The following NIN variants were observed in gnomAD, a reference collection of about 807,000 sequenced individuals.
The protein encoded by NIN is glycogen synthase kinase 3 beta-interacting protein.
Under a neutral mutation model 257.6 loss-of-function variants are expected in NIN, and 137 were observed. The ratio of observed to expected loss-of-function variants is 0.53; its 90% CI spans 0.46 to 0.61. The LOEUF is 0.61. Ranked by LOEUF, NIN falls within the 20% of genes least tolerant of loss-of-function variation. The probability of loss-of-function intolerance (pLI) is 0.00; values close to 1 mark genes in which losing one functional copy is unlikely to be tolerated. For missense variants in NIN, 2,439 were observed against 2,501.2 expected (o/e 0.98, Z 0.53); for synonymous variants, 918 against 919.8 (o/e 1.00, Z 0.04).
chr14:50,819,941 C>T (rs568620122), intron 3 of NIN, among the ~76,000 whole-genome samples: 74 of 152,246 alleles, frequency 4.9e-4, no homozygotes, highest in Non-Finnish European at 8.2e-4. Flanking sequence ...TCCAGTGAAT[C>T]CTATGGCATT....
chr14:50,767,686 G>A lies in NIN; in HGVS notation c.1435-796C>T, dbSNP rs189096843. Among the ~76,000 whole-genome samples the A allele has an allele frequency of 5.1e-3, 772 of 151,898 alleles. 4 individuals carry two copies. The highest frequency in any genetic ancestry group is 0.017 in the African/African-American group (703 of 41,436). ...CAAAAAATTAGCCAGGTGTGGTGGCGGGCGCCTGTAGTCCCAGCTACTTGG... is the reference window on the plus strand; with the variant it reads ...CAAAAAATTAGCCAGGTGTGGTGGCAGGCGCCTGTAGTCCCAGCTACTTGG... On this transcript the variant is annotated intron_variant, in intron 12 of 30. Coordinates refer to ENST00000530997, the MANE Select transcript of NIN (RefSeq NM_020921.4).
At chr14:50,801,334 AC>A (rs771961761) in intron 4 of NIN, among the ~76,000 whole-genome samples, 60 of 152,258 alleles carry the variant, frequency 3.9e-4, no homozygotes, top group South Asian at 4.1e-4. Flanking sequence ...CAGGTGATCC[AC>A]CTGTCTCACC....
At chr14:50,725,724 T>G in intron 30 of NIN, 3 of 664,782 alleles carry the variant, frequency 4.5e-6, no homozygotes, top group Non-Finnish European at 7.6e-6. Context: ...TTTACACTTT[T>G]AAATTGTGGA....
chr14:50,742,674 G>T (rs757823953), intron 24 of NIN, among the ~76,000 whole-genome samples: 1 of 152,080 alleles, frequency 6.6e-6, no homozygotes, highest in Non-Finnish European at 1.5e-5. Context: ...GATTACAGGC[G>T]TGAGTCACCG....
intron 12 of NIN, among the ~76,000 whole-genome samples, chr14:50,769,073 G>A (rs562467583): frequency 2.1e-4 from 32 of 152,324 alleles, no homozygotes; most frequent in African/African-American, 7.7e-4. Flanking sequence ...AATTACCTCA[G>A]TTTTTGATGT....
Position 50,722,654 on chromosome 14 carries a change from A to C in NIN, c.*809T>G, listed in dbSNP as rs1276016296. ...GGTCTGCTTATCCCTCTTTTCTAAG[A>C]GTAGCTATTTACTCCAAAGTGGTTT... On this transcript the variant is annotated 3_prime_UTR_variant, in exon 31 of 31. Coordinates refer to ENST00000530997, the MANE Select transcript of NIN (RefSeq NM_020921.4). 9.2e-6 allele frequency: 2 copies of C among 216,564 alleles called. No homozygotes were observed. Among genetic ancestry groups the C allele is most frequent in the South Asian group, 1.9e-4 (1 of 5,376 alleles). The allele number at this position is 216,564 out of a possible 1,614,324, so 13.4% of individuals were successfully genotyped here.
chr14:50,817,456 A>T lies in NIN; in HGVS notation c.183+4418T>A, dbSNP rs1289165227. ...GAAAGAACCTCAAACCCTTTCAGAA[A>T]TGTAAGAAAATTGATCTAAATTATA... On this transcript the variant is annotated intron_variant, in intron 3 of 30. Transcript: ENST00000530997. Among the ~76,000 whole-genome samples, 22 of 152,210 alleles carry T rather than the reference A, an allele frequency of 1.4e-4. 1 individual carries two copies. The highest frequency in any genetic ancestry group is 1.5e-5 in the Non-Finnish European group (1 of 68,028).
Position 50,767,894 on chromosome 14 carries a change from T to C in NIN, c.1435-1004A>G, listed in dbSNP as rs544266336. Among the ~76,000 whole-genome samples the C allele has an allele frequency of 3.3e-5, 5 of 152,126 alleles. No individual in the cohort carries two copies. The South Asian group carries it at 1.0e-3, about 32-fold the overall frequency. ...ATTTGGTTTATATTTAATTTATAAATTTCTTTTGGTTTAAAGATATAAAAA... is the reference window on the plus strand; with the variant it reads ...ATTTGGTTTATATTTAATTTATAAACTTCTTTTGGTTTAAAGATATAAAAA... On this transcript the variant is annotated intron_variant, in intron 12 of 30. Coordinates refer to ENST00000530997, the MANE Select transcript of NIN (RefSeq NM_020921.4).
chr14:50,738,396 C>T (rs2041109081), intron 26 of NIN, 110 bp from the exon 27 acceptor site: 1 of 870,706 alleles, frequency 1.1e-6, no homozygotes, highest in Admixed American at 2.7e-5. Context: ...GTTTAACATC[C>T]TTTTTCAATC....
chr14:50,811,863 G>C (rs568898222), intron 3 of NIN, among the ~76,000 whole-genome samples: 1 of 151,900 alleles, frequency 6.6e-6, no homozygotes, highest in Admixed American at 6.6e-5. Flanking sequence ...GCGTGGTGGC[G>C]GGCGCCTGTA....
At chr14:50,726,856 C>G (rs2040431840) in intron 29 of NIN, among the ~76,000 whole-genome samples, 1 of 152,174 alleles carries the variant, frequency 6.6e-6, no homozygotes. Context: ...AAGGTATTAA[C>G]AGCTGATGGT....
In NIN at chr14:50,752,628, G is replaced by T. The variant is rs767097652; in HGVS notation, c.4840C>A (p.Leu1614Ile). 5 of 1,613,726 alleles carry T rather than the reference G, an allele frequency of 3.1e-6. No homozygotes were observed. Among genetic ancestry groups the T allele is most frequent in the Non-Finnish European group, 4.2e-6 (5 of 1,179,860 alleles). Residue 1614 changes from leucine to isoleucine, a missense_variant, in exon 21 of 31, where the codon CTA (leucine) becomes ATA (isoleucine). Transcript: ENST00000530997. Reference sequence around the variant, plus strand: ...TCCTTCTGGCATAGCATTTCTGTTAGACGTTGATTAAGTTCTTGCAGTTTT... The same window carrying T: ...TCCTTCTGGCATAGCATTTCTGTTATACGTTGATTAAGTTCTTGCAGTTTT... ...QEKLQELNQR[L>I]TEMLCQKEKE...
At chr14:50,808,518 TG>T (rs1360019854) in intron 3 of NIN, among the ~76,000 whole-genome samples, 2 of 152,226 alleles carry the variant, frequency 1.3e-5, no homozygotes, top group African/African-American at 4.8e-5. Context: ...TGATGTGAAT[TG>T]GAGACATTAC....
chr14:50,768,522 T>G (rs918310050), intron 12 of NIN, among the ~76,000 whole-genome samples: 1 of 152,062 alleles, frequency 6.6e-6, no homozygotes, highest in Non-Finnish European at 1.5e-5. Context: ...GAAAAAGTAA[T>G]TTGGCCTGCA....
chr14:50,786,198 G>A (rs904042565), intron 5 of NIN, among the ~76,000 whole-genome samples: 2 of 152,160 alleles, frequency 1.3e-5, no homozygotes, highest in Non-Finnish European at 2.9e-5. Flanking sequence ...GTCCTTAAAG[G>A]AAAGAGATTT....
At chr14:50,749,671 G>A (rs759480748) in intron 21 of NIN, among the ~76,000 whole-genome samples, 7 of 151,932 alleles carry the variant, frequency 4.6e-5, no homozygotes, top group Non-Finnish European at 7.4e-5. Context: ...ATATCAATAT[G>A]GACTCATTTA....
rs2140757430 is a variant in NIN at position 50,754,572 on chromosome 14, T to G, written c.4725A>C (p.Leu1575Phe). The change falls in exon 20 of 31, where the codon TTA (leucine) becomes TTC (phenylalanine). Residue 1575 changes from leucine to phenylalanine, a missense_variant. Physicochemically the swap from Leu to Phe is conservative, Grantham distance 22. Transcript: ENST00000530997. Reference protein sequence around the residue: ...NAAVQKMVENLKKQISELKIK... With the variant: ...NAAVQKMVENFKKQISELKIK... The stretch of plus-strand genomic sequence containing the variant: ...TTAAGTATTTCCTTACCTGTTTCTT[T>G]AAATTTTCAACCATCTTCTGAACTG... 1 of 1,605,892 alleles carries G rather than the reference T, an allele frequency of 6.2e-7. No homozygotes were observed.
intron 15 of NIN, 151 bp downstream of exon 15, chr14:50,763,675 A>T: frequency 1.7e-6 from 1 of 604,886 alleles, no homozygotes; most frequent in Non-Finnish European, 2.8e-6. Context: ...AAACGAGACC[A>T]CAAGTGAAAC....
chr14:50,757,762 T>C lies in NIN; in HGVS notation c.3268A>G (p.Arg1090Gly), dbSNP rs752174270. Residue 1090 changes from arginine to glycine, a missense_variant, in exon 18 of 31, where the codon AGA becomes GGA. By Grantham distance (125) the Arg-to-Gly change is moderately radical (BLOSUM62 -2). Transcript: ENST00000530997. ...ENVKMATEIS[R>G]LQQRLQKLEP... ...AACTTTTGTAGCCTCTGTTGCAATC[T>C]AGAAATTTCAGTAGCCATTTTCACA... 1.1e-5 allele frequency: 17 copies of C among 1,614,104 alleles called. No homozygotes were observed. The African/African-American group carries it at 1.6e-4, about 15-fold the overall frequency.
Sources: gnomAD v4.1 joint callset for allele counts (sites outside exome capture counted in the v4.1 genomes callset) on GRCh38, gnomAD v4.1.1 for gene constraint, MANE v1.5 for transcripts, NCBI Gene and HGNC (gene_info 2026-07-23, HGNC 2026-07-21) for gene names.